CDYL2: variants seen among roughly 807,000 people sequenced by gnomAD.
CDYL2 encodes the protein chromodomain Y-like protein 2.
In CDYL2, 23 loss-of-function variants were observed where a neutral mutation model predicts 49.4. The ratio of observed to expected loss-of-function variants is 0.47; its 90% CI spans 0.34 to 0.66. The LOEUF (loss-of-function observed/expected upper bound fraction) is 0.66, where lower values mean the gene tolerates loss of function less well. CDYL2 is among the 30% of genes least tolerant of loss of function. The pLI is 0.01. For missense variants in CDYL2, 678 were observed against 656.4 expected (o/e 1.03, Z -0.36); for synonymous variants, 360 against 268.8 (o/e 1.34, Z -3.32).
At chr16:80,646,131 T>C (rs1292048241) in intron 2 of CDYL2, among the ~76,000 whole-genome samples, 3 of 151,636 alleles carry the variant, frequency 2.0e-5, no homozygotes, top group African/African-American at 7.3e-5. Flanking sequence ...CCCTAGAACT[T>C]AAAGTATAAT....
intron 1 of CDYL2, among the ~76,000 whole-genome samples, chr16:80,713,256 T>C (rs1420517105): frequency 4.6e-5 from 7 of 152,190 alleles, no homozygotes; most frequent in Non-Finnish European, 1.0e-4. Context: ...GATAAATATG[T>C]AGCTGGATGA....
intron 3 of CDYL2, among the ~76,000 whole-genome samples, chr16:80,623,174 G>T (rs569436852): frequency 6.6e-6 from 1 of 151,848 alleles, no homozygotes; most frequent in Non-Finnish European, 1.5e-5. Context: ...GGCCAGAAAT[G>T]CAGAGTCTAA....
At chr16:80,606,015 A>C (rs4408558) in intron 6 of CDYL2, among the ~76,000 whole-genome samples, 3 of 152,052 alleles carry the variant, frequency 2.0e-5, no homozygotes, top group African/African-American at 7.2e-5. Context: ...CAGACGTTAC[A>C]GCCAGAAGTG....
At chr16:80,647,099 C>T (rs1198409154) in intron 2 of CDYL2, among the ~76,000 whole-genome samples, 1 of 151,908 alleles carries the variant, frequency 6.6e-6, no homozygotes, top group Non-Finnish European at 1.5e-5. Flanking sequence ...AAAAGTTATC[C>T]CATTTACAAT....
chr16:80,664,397 C>T (rs920493387), intron 2 of CDYL2, among the ~76,000 whole-genome samples: 24 of 152,194 alleles, frequency 1.6e-4, no homozygotes, highest in Non-Finnish European at 8.8e-5. Flanking sequence ...GCGCCGGGAA[C>T]AGCCCATCCC....
At chr16:80,726,583 T>G (rs1247322275) in intron 1 of CDYL2, among the ~76,000 whole-genome samples, 1 of 152,226 alleles carries the variant, frequency 6.6e-6, no homozygotes, top group African/African-American at 2.4e-5. Context: ...CTGCAACTAT[T>G]TGTTAGCTTA....
intron 1 of CDYL2, among the ~76,000 whole-genome samples, chr16:80,784,863 G>T (rs1165468209): frequency 6.6e-6 from 1 of 152,164 alleles, no homozygotes; most frequent in Admixed American, 6.5e-5. Flanking sequence ...GGTCAGGGAG[G>T]CATCCTTAGT....
chr16:80,644,151 A>C (rs1471112515), intron 2 of CDYL2, among the ~76,000 whole-genome samples: 1 of 152,220 alleles, frequency 6.6e-6, no homozygotes, highest in Non-Finnish European at 1.5e-5. Context: ...TCAAGTTCAA[A>C]GTTCCACAAA....
intron 5 of CDYL2, among the ~76,000 whole-genome samples, chr16:80,608,565 G>A (rs1567537913): frequency 1.3e-5 from 2 of 152,104 alleles, no homozygotes; most frequent in Non-Finnish European, 1.5e-5. Flanking sequence ...TGACCCAGCC[G>A]TGATGACATC....
At chr16:80,733,294 T>A (rs918671835) in intron 1 of CDYL2, among the ~76,000 whole-genome samples, 1 of 152,192 alleles carries the variant, frequency 6.6e-6, no homozygotes, top group South Asian at 2.1e-4. Flanking sequence ...AAAGGGGCCA[T>A]AGTTGCAGCA....
intron 1 of CDYL2, among the ~76,000 whole-genome samples, chr16:80,693,078 C>T (rs1290069898): frequency 8.5e-6 from 1 of 117,334 alleles, no homozygotes; most frequent in African/African-American, 3.3e-5. Flanking sequence ...ACATGCCAGG[C>T]AAACTCATCT....
chr16:80,635,672 C>G (rs1907787458), intron 2 of CDYL2, among the ~76,000 whole-genome samples: 1 of 152,158 alleles, frequency 6.6e-6, no homozygotes. Flanking sequence ...CTATCTCTAT[C>G]AAGTTACCAC....
intron 1 of CDYL2, among the ~76,000 whole-genome samples, chr16:80,767,063 G>A (rs906654007): frequency 6.6e-6 from 1 of 152,024 alleles, no homozygotes; most frequent in East Asian, 1.9e-4. Context: ...TTATCAGTGT[G>A]GTCCCAGAAC....
intron 1 of CDYL2, among the ~76,000 whole-genome samples, chr16:80,770,825 C>T (rs1221167513): frequency 6.6e-6 from 1 of 152,128 alleles, no homozygotes; most frequent in African/African-American, 2.4e-5. Context: ...GATTTTGTCT[C>T]ATTCTTAAAA....
intron 1 of CDYL2, among the ~76,000 whole-genome samples, chr16:80,761,392 G>A (rs1290789983): frequency 6.6e-6 from 1 of 152,194 alleles, no homozygotes; most frequent in Admixed American, 6.5e-5. Context: ...TCATCAAACG[G>A]TTGTTGTAAG....
intron 3 of CDYL2, among the ~76,000 whole-genome samples, chr16:80,629,023 G>A (rs372649201): frequency 6.6e-6 from 1 of 152,204 alleles, no homozygotes; most frequent in Non-Finnish European, 1.5e-5. Flanking sequence ...CGGGGCAGGT[G>A]TAAGCATGAA....
At chr16:80,623,236 C>T (rs985792782) in intron 3 of CDYL2, among the ~76,000 whole-genome samples, 1 of 152,116 alleles carries the variant, frequency 6.6e-6, no homozygotes, top group Non-Finnish European at 1.5e-5. Context: ...ACATGCGCCT[C>T]TGGGGCTACG....
chr16:80,633,004 G>A lies in CDYL2; in HGVS notation c.834+15C>T. The A allele has an allele frequency of 6.2e-7, 1 of 1,609,688 alleles. No homozygotes were observed. On this transcript the variant is annotated intron_variant, in intron 3 of 6. Transcript: ENST00000570137. ...ACAGCCCAGCTTGCCCTTCCCTCTG[G>A]CCGCCACCCCTTACCTCAGGTGTCA...
intron 4 of CDYL2, among the ~76,000 whole-genome samples, chr16:80,618,220 T>C (rs1167549844): frequency 1.3e-5 from 2 of 152,342 alleles, no homozygotes; most frequent in East Asian, 3.9e-4. Flanking sequence ...ATTCCACTAG[T>C]CATGTTTCCC....
Sources: gnomAD v4.1 joint callset for allele counts (sites outside exome capture counted in the v4.1 genomes callset) on GRCh38, gnomAD v4.1.1 for gene constraint, MANE v1.5 for transcripts, NCBI Gene and HGNC (gene_info 2026-07-23, HGNC 2026-07-21) for gene names.